The following PTGER3 variants were observed in gnomAD, a reference collection of about 807,000 sequenced individuals.
The protein encoded by PTGER3 is prostaglandin E2 receptor EP3 subtype.
In PTGER3, 22 loss-of-function variants were observed where a neutral mutation model predicts 34.7. That is an observed-to-expected ratio of 0.63 (90% CI 0.45 to 0.91). PTGER3 has a LOEUF of 0.91. PTGER3 is among the 40% of genes least tolerant of loss of function. The probability of loss-of-function intolerance (pLI) is 0.00; values close to 1 mark genes in which losing one functional copy is unlikely to be tolerated. For missense variants in PTGER3, 468 were observed against 519.4 expected, an observed-to-expected ratio of 0.90 and a Z score of 0.96; for synonymous variants, 241 against 230.1, an observed-to-expected ratio of 1.05 and a Z score of -0.43.
chr1:70,888,779 G>A (rs994612135), intron 4 of PTGER3, among the ~76,000 whole-genome samples: 7 of 152,038 alleles, frequency 4.6e-5, no homozygotes, highest in African/African-American at 1.7e-4. Context: ...GGAAAAGACT[G>A]TGGGGCATAA....
At chr1:70,907,341 A>G (rs1207061241) in intron 4 of PTGER3, among the ~76,000 whole-genome samples, 28 of 152,250 alleles carry the variant, frequency 1.8e-4, no homozygotes, top group Admixed American at 1.8e-3. Context: ...GATAATGAGA[A>G]TTACAAGGAC....
chr1:70,859,147 C>G (rs1645873833), intron 4 of PTGER3, among the ~76,000 whole-genome samples: 1 of 152,196 alleles, frequency 6.6e-6, no homozygotes, highest in Non-Finnish European at 1.5e-5. Context: ...CTGCAGTGCC[C>G]ACTGTGAGAT....
chr1:71,046,650 C>T (rs757452233), intron 1 of PTGER3, 31 bp downstream of exon 1: 2 of 1,514,696 alleles, frequency 1.3e-6, no homozygotes, highest in Admixed American at 2.2e-5. Context: ...GCACACGCAT[C>T]CTGACTTCCC....
chr1:70,974,488 A>G (rs1466750035), intron 2 of PTGER3, 100 bp from the exon 3 acceptor site: 7 of 668,338 alleles, frequency 1.0e-5, no homozygotes, highest in African/African-American at 9.0e-5. Flanking sequence ...GCTATGATCA[A>G]TATGGATGTT....
chr1:70,944,639 T>C (rs1650054504), intron 4 of PTGER3, among the ~76,000 whole-genome samples: 1 of 152,154 alleles, frequency 6.6e-6, no homozygotes, highest in African/African-American at 2.4e-5. Context: ...GGTGAAGTTT[T>C]ATTATGTATA....
intron 4 of PTGER3, among the ~76,000 whole-genome samples, chr1:70,918,927 CT>C (rs1178860624): frequency 9.9e-5 from 15 of 151,788 alleles, no homozygotes; most frequent in Non-Finnish European, 1.8e-4. Context: ...TACATTAAGC[CT>C]GCAATATCCA....
At chr1:70,972,417 C>T (rs847735) in intron 3 of PTGER3, among the ~76,000 whole-genome samples, 140,995 of 152,056 alleles carry the variant, frequency 0.93, 65,509 homozygotes, top group East Asian at 1. Flanking sequence ...TTTTCACACA[C>T]GGTTGATGAA....
intron 2 of PTGER3, among the ~76,000 whole-genome samples, chr1:70,989,066 C>A (rs182088358): frequency 6.6e-6 from 1 of 152,112 alleles, no homozygotes; most frequent in African/African-American, 2.4e-5. Flanking sequence ...TTTTGACATT[C>A]TTAAAGAGGA....
chr1:70,908,225 A>G (rs1449575780), intron 4 of PTGER3, among the ~76,000 whole-genome samples: 1 of 152,218 alleles, frequency 6.6e-6, no homozygotes, highest in Non-Finnish European at 1.5e-5. Context: ...GAGAATTCCC[A>G]GCGTATCATG....
intron 4 of PTGER3, among the ~76,000 whole-genome samples, chr1:70,900,851 C>G (rs1326485131): frequency 6.6e-6 from 1 of 152,138 alleles, no homozygotes; most frequent in Non-Finnish European, 1.5e-5. Context: ...CCTCTCCAAG[C>G]CCAAGTTACA....
intron 4 of PTGER3, among the ~76,000 whole-genome samples, chr1:70,917,956 TGTCAGGTGTATAGTTTGCAA>T (rs1164861638): frequency 6.6e-6 from 1 of 152,088 alleles, no homozygotes; most frequent in Non-Finnish European, 1.5e-5. Context: ...ATTAATGCCT[TGTCAGGTGTATAGTTTGCAA>T]GTCAGGTGTA....
At chr1:70,885,421 T>C (rs1022815612) in intron 4 of PTGER3, among the ~76,000 whole-genome samples, 1 of 152,218 alleles carries the variant, frequency 6.6e-6, no homozygotes, top group Admixed American at 6.5e-5. Flanking sequence ...AAGAATATAA[T>C]ATACCATTTC....
chr1:71,003,913 A>G (rs1656710486), intron 2 of PTGER3, among the ~76,000 whole-genome samples: 1 of 152,212 alleles, frequency 6.6e-6, no homozygotes, highest in Non-Finnish European at 1.5e-5. Flanking sequence ...AGGTCTGTAC[A>G]ATTTCTGACA....
rs570813236 is a variant in PTGER3, at chr1:70,857,683, C to T, written c.*24-4824G>A. Among the ~76,000 whole-genome samples, 31 of 152,008 alleles carry T rather than the reference C, an allele frequency of 2.0e-4. No individual in the cohort carries two copies. In the South Asian group the frequency reaches 5.8e-3, roughly 29 times the overall value. ...CCCGGGTAGCTGGGACTACAGGCACCGCCACCACGCCCGGCTAATTTTTTG... is the reference window on the plus strand; with the variant it reads ...CCCGGGTAGCTGGGACTACAGGCACTGCCACCACGCCCGGCTAATTTTTTG... On this transcript the variant is annotated intron_variant, in intron 4 of 4. Transcript: ENST00000370931.
In PTGER3 at chr1:71,020,697, A is replaced by AGTGTGTGTGTGTGT. The variant is rs112981971; in HGVS notation, c.898-8227_898-8214dup. ...ATGAAGCTTTGGTGTATGTTAGCAG[A>AGTGTGTGTGTGTGT]GTGTGTGTGTGTGTGTGTGTGTGTG... is the stretch of plus-strand genomic sequence containing the variant. On this transcript the variant is annotated intron_variant, in intron 1 of 3. Coordinates refer to ENST00000306666, the MANE Select transcript of PTGER3 (RefSeq NM_198719.2). 5.6e-4 allele frequency among the ~76,000 whole-genome samples: 81 copies of AGTGTGTGTGTGTGT among 144,888 alleles called. 1 individual carries two copies. Among genetic ancestry groups the AGTGTGTGTGTGTGT allele is most frequent in the African/African-American group, 1.8e-3 (69 of 39,410 alleles).
intron 4 of PTGER3, among the ~76,000 whole-genome samples, chr1:70,861,537 G>A (rs1645927301): frequency 1.3e-5 from 2 of 152,106 alleles, no homozygotes; most frequent in Admixed American, 1.3e-4. Context: ...TTGCTTTTCA[G>A]TTATAAAGGG....
intron 2 of PTGER3, among the ~76,000 whole-genome samples, chr1:70,978,360 T>A (rs1250202889): frequency 2.0e-5 from 3 of 152,208 alleles, no homozygotes; most frequent in Non-Finnish European, 4.4e-5. Context: ...TAAGCTGGAA[T>A]GAACACATTA....
chr1:70,934,859 G>C (rs1202808450), intron 4 of PTGER3, among the ~76,000 whole-genome samples: 1 of 152,126 alleles, frequency 6.6e-6, no homozygotes, highest in African/African-American at 2.4e-5. Flanking sequence ...ACAAAAAACA[G>C]TTGGCCAAGT....
intron 2 of PTGER3, chr1:71,011,717 A>G: frequency 2.0e-6 from 2 of 975,872 alleles, no homozygotes; most frequent in Non-Finnish European, 2.4e-6. Context: ...TGAATATTAT[A>G]AATACATTAT....
Sources: gnomAD v4.1 joint callset for allele counts (sites outside exome capture counted in the v4.1 genomes callset) on GRCh38, gnomAD v4.1.1 for gene constraint, MANE v1.5 for transcripts, NCBI Gene and HGNC (gene_info 2026-07-23, HGNC 2026-07-21) for gene names.